The following ACTL6A variants were observed in gnomAD, a reference collection of about 807,000 sequenced individuals.
ACTL6A encodes the protein actin-like protein 6A.
A neutral mutation model predicts 59.2 loss-of-function variants in ACTL6A; 5 were observed. The ratio of observed to expected loss-of-function variants is 0.08; its 90% CI spans 0.04 to 0.18. The LOEUF (loss-of-function observed/expected upper bound fraction) is 0.18. ACTL6A is among the 10% of genes least tolerant of loss of function. The pLI is 1.00. For missense variants in ACTL6A, 285 were observed against 526.9 expected, an observed-to-expected ratio of 0.54 and a Z score of 4.49; for synonymous variants, 154 against 171.8, an observed-to-expected ratio of 0.90 and a Z score of 0.81.
chr3:179,577,613 G>A (rs1718206834), intron 8 of ACTL6A, among the ~76,000 whole-genome samples: 1 of 152,150 alleles, frequency 6.6e-6, no homozygotes, highest in South Asian at 2.1e-4. Context: ...GTACCCAATA[G>A]TTATTTTTTC....
chr3:179,586,621 C>A lies in ACTL6A; in HGVS notation c.1198C>A (p.Leu400Ile), dbSNP rs768957494. ...TAGCTCATGGATTGGCGGCTCCATT[C>A]TAGCCTCTTTGGTTAGTAGATGAGC... is the stretch of plus-strand genomic sequence containing the variant. ...RFSSWIGGSILASLGTFQQMW... is the reference protein window; with the variant it reads ...RFSSWIGGSIIASLGTFQQMW... Residue 400 changes from leucine (L) to isoleucine (I), a missense_variant, in exon 13 of 14, where the codon CTA becomes ATA. Coordinates refer to ENST00000429709, the MANE Select transcript of ACTL6A (RefSeq NM_004301.5). 9 of 1,599,032 alleles carry A rather than the reference C, an allele frequency of 5.6e-6. No homozygotes were observed. The highest frequency in any genetic ancestry group is 6.8e-6 in the Non-Finnish European group (8 of 1,175,816).
intron 1 of ACTL6A, among the ~76,000 whole-genome samples, chr3:179,568,798 A>G (rs1006226277): frequency 1.3e-5 from 2 of 152,178 alleles, no homozygotes; most frequent in Admixed American, 1.3e-4. Context: ...AGCAGCTTAC[A>G]CTTAGCATGT....
rs1339075898 is a variant in ACTL6A, at chr3:179,562,932, G to T, written c.-161G>T. ...GCTGATAGGAGGAGCCAGCAAGTGT[G>T]GCTGAGCTCCGGGGTGTGTGGACGC... On this transcript the variant is annotated 5_prime_UTR_variant, in exon 1 of 14. Transcript: ENST00000429709. 2 of 863,642 alleles carry T rather than the reference G, an allele frequency of 2.3e-6. No individual in the cohort carries two copies. The highest frequency in any genetic ancestry group is 3.8e-6 in the Non-Finnish European group (2 of 533,252). The allele number at this position is 863,642 out of a possible 1,614,324, so 53.5% of individuals were successfully genotyped here.
intron 6 of ACTL6A, 45 bp from the exon 7 acceptor site, chr3:179,576,575 G>C: frequency 6.8e-7 from 1 of 1,475,352 alleles, no homozygotes; most frequent in South Asian, 1.2e-5. Context: ...GTTCAAGGAA[G>C]TTTGGACTTA....
chr3:179,579,776 A>G (rs971295058), intron 8 of ACTL6A, among the ~76,000 whole-genome samples: 18 of 152,132 alleles, frequency 1.2e-4, no homozygotes, highest in Non-Finnish European at 4.4e-5. Context: ...CGACAAGAGC[A>G]AGACTCTGTC....
rs757985997 is a variant in ACTL6A, at chr3:179,580,829, T to G, written c.831-65T>G. On this transcript the variant is annotated intron_variant, in intron 9 of 13. Coordinates refer to ENST00000429709, the MANE Select transcript of ACTL6A (RefSeq NM_004301.5). ...TTTTTACAAGTTTATAATTCCCTAG[T>G]AGTTTATAATTTTGAAGAGAATTAT... The G allele has an allele frequency of 2.2e-4, 313 of 1,428,550 alleles. 1 individual carries two copies. Among genetic ancestry groups the G allele is most frequent in the Non-Finnish European group, 2.8e-4 (294 of 1,038,230 alleles). 88.5% of individuals were successfully genotyped at this position (1,428,550 alleles called of 1,614,324 possible). A position where few individuals can be genotyped will look rare whatever the true frequency, so the allele number is the denominator to read the frequency against.
At chr3:179,579,453 T>TACACACACACACACACACAC (rs1477872220) in intron 8 of ACTL6A, among the ~76,000 whole-genome samples, 2 of 55,228 alleles carry the variant, frequency 3.6e-5, no homozygotes, top group African/African-American at 1.6e-4. Context: ...ATTTATATCA[T>TACACACACACACACACACAC]ATACACACAC....
chr3:179,568,952 G>A (rs1380156193), intron 1 of ACTL6A, among the ~76,000 whole-genome samples: 2 of 152,228 alleles, frequency 1.3e-5, no homozygotes, highest in African/African-American at 4.8e-5. Flanking sequence ...TCTTGTAGCT[G>A]TTGAACATTC....
chr3:179,586,742 TC>T, intron 13 of ACTL6A, 110 bp downstream of exon 13: 1 of 899,180 alleles, frequency 1.1e-6, no homozygotes, highest in Non-Finnish European at 1.7e-6. Flanking sequence ...TTTATAACTG[TC>T]AAATGAGTGG....
chr3:179,582,070 A>C (rs1182177987), intron 11 of ACTL6A, among the ~76,000 whole-genome samples: 1 of 152,234 alleles, frequency 6.6e-6, no homozygotes, highest in Non-Finnish European at 1.5e-5. Context: ...TTGAGTGGCT[A>C]TGAAAATCAT....
chr3:179,587,977 A>C lies in ACTL6A; in HGVS notation c.1257A>C (p.Gly419=), dbSNP rs760648141. Reference sequence around the variant, plus strand: ...TTTCCAAGCAAGAATATGAAGAAGGAGGGAAGCAGTGTGTAGAAAGAAAAT... The same window carrying C: ...TTTCCAAGCAAGAATATGAAGAAGGCGGGAAGCAGTGTGTAGAAAGAAAAT... ...MWISKQEYEE[G]GKQCVERKCP The change falls in exon 14 of 14, where the codon GGA becomes GGC. Residue 419 remains glycine (G), a synonymous_variant. Transcript: ENST00000429709. 8.1e-6 allele frequency: 13 copies of C among 1,606,472 alleles called. No homozygotes were observed. The African/African-American group carries it at 1.7e-4, about 22-fold the overall frequency.
chr3:179,570,430 T>A lies in ACTL6A; in HGVS notation c.277+189T>A. The A allele has an allele frequency of 1.8e-6, 1 of 541,954 alleles. No individual in the cohort carries two copies. The highest frequency in any genetic ancestry group is 3.2e-6 in the Non-Finnish European group (1 of 316,382). 33.6% of individuals were successfully genotyped at this position (541,954 alleles called of 1,614,324 possible). On this transcript the variant is annotated intron_variant, in intron 3 of 13. Coordinates refer to ENST00000429709, the MANE Select transcript of ACTL6A (RefSeq NM_004301.5). The surrounding 1 kb of genome is among the most constrained non-coding windows in gnomAD (Gnocchi z 4.3). ...AGAAATGTTCCTTTTCATTAAAAGCTTACAGTTAGTTGGGGGAAATAGATG... is the reference window on the plus strand; with the variant it reads ...AGAAATGTTCCTTTTCATTAAAAGCATACAGTTAGTTGGGGGAAATAGATG...
At position 179,576,615 on chromosome 3, in the gene ACTL6A, C is replaced by T; in HGVS notation, c.572-5C>T. 6.2e-7 allele frequency: 1 copy of T among 1,608,002 alleles called. No homozygotes were observed. Among genetic ancestry groups the T allele is most frequent in the Non-Finnish European group, 8.5e-7 (1 of 1,174,892 alleles). ...CCTCTTAGCCTTGTTTCATCTGTTT[C>T]ATAGGCATTGTGAAATCCCCTCTTG... On this transcript the variant is annotated splice_region_variant and splice_polypyrimidine_tract_variant and intron_variant, in intron 6 of 13. Coordinates refer to ENST00000429709, the MANE Select transcript of ACTL6A (RefSeq NM_004301.5).
At chr3:179,569,640 G>A (rs1717942842) in intron 1 of ACTL6A, among the ~76,000 whole-genome samples, 184 bp from the exon 2 acceptor site, 1 of 152,088 alleles carries the variant, frequency 6.6e-6, no homozygotes, top group African/African-American at 2.4e-5. Context: ...TTTGAGTCCA[G>A]CCTGGGCAAC....
intron 8 of ACTL6A, among the ~76,000 whole-genome samples, chr3:179,579,425 T>A (rs1483689297): frequency 6.6e-6 from 1 of 150,752 alleles, no homozygotes. Context: ...ATCTAACAGG[T>A]TTTTTAAAAA....
chr3:179,572,071 T>C (rs935445968), intron 3 of ACTL6A, among the ~76,000 whole-genome samples: 7 of 152,184 alleles, frequency 4.6e-5, no homozygotes, highest in Non-Finnish European at 1.0e-4. Context: ...TAAAAGGTTA[T>C]AAGAAAGATT....
intron 3 of ACTL6A, among the ~76,000 whole-genome samples, chr3:179,572,365 T>C (rs1315472043): frequency 1.3e-5 from 2 of 151,986 alleles, no homozygotes; most frequent in Non-Finnish European, 2.9e-5. Context: ...AAAATCCAGG[T>C]GGGCCTGTGG....
chr3:179,564,428 G>C (rs111709887), intron 1 of ACTL6A, among the ~76,000 whole-genome samples: 1 of 152,142 alleles, frequency 6.6e-6, no homozygotes, highest in East Asian at 1.9e-4. Flanking sequence ...TAGAGTAGAG[G>C]TTCAATTCTT....
intron 12 of ACTL6A, among the ~76,000 whole-genome samples, chr3:179,583,948 A>G (rs992156843): frequency 2.6e-5 from 4 of 152,260 alleles, no homozygotes; most frequent in Non-Finnish European, 5.9e-5. Flanking sequence ...CTAAGAGAAG[A>G]CAGGTATGTT....
Sources: allele counts gnomAD v4.1 joint callset (sites outside exome capture counted in the v4.1 genomes callset), GRCh38; gene constraint gnomAD v4.1.1; non-coding constraint Gnocchi (gnomAD v3.1); transcripts MANE v1.5; gene names NCBI Gene and HGNC (gene_info 2026-07-23, HGNC 2026-07-21).